Variants in FAM184B observed in about 807,000 individuals in gnomAD.
The protein encoded by FAM184B is protein FAM184B.
Under a neutral mutation model 135.9 loss-of-function variants are expected in FAM184B, and 111 were observed. The observed-to-expected ratio is 0.82, with a 90% CI of 0.70 to 0.96. The LOEUF (loss-of-function observed/expected upper bound fraction) is 0.96. Ranked by LOEUF, FAM184B falls within the 40% of genes least tolerant of loss-of-function variation. FAM184B has a pLI of 0.00. For synonymous variants in FAM184B, 552 were observed against 524.8 expected (o/e 1.05, Z -0.71); for missense variants, 1,375 against 1,323.9 (o/e 1.04, Z -0.60).
Position 17,781,326 on chromosome 4 carries a change from T to G in FAM184B, c.-27A>C, listed in dbSNP as rs1233235265. 2 of 1,496,972 alleles carry G rather than the reference T, an allele frequency of 1.3e-6. No homozygotes were observed. Among genetic ancestry groups the G allele is most frequent in the Admixed American group, 2.2e-5 (1 of 45,030 alleles). The allele number at this position is 1,496,972 out of a possible 1,614,324, so 92.7% of individuals were successfully genotyped here. ...GCTAAAACGCGCCCAGCACTCAGAC[T>G]CTCTCGTTTTCTCCCTGCCCACCGT... On this transcript the variant is annotated 5_prime_UTR_variant, in exon 1 of 18. Coordinates refer to ENST00000265018, the MANE Select transcript of FAM184B (RefSeq NM_015688.2). The surrounding 1 kb of genome is among the most constrained non-coding windows in gnomAD (Gnocchi z 6.5).
At chr4:17,717,907 T>C (rs1717431352) in intron 1 of FAM184B, among the ~76,000 whole-genome samples, 1 of 152,190 alleles carries the variant, frequency 6.6e-6, no homozygotes, top group African/African-American at 2.4e-5. Flanking sequence ...AATGTAATCG[T>C]GGTAATCGCA....
chr4:17,676,541 A>T (rs1441790860), intron 7 of FAM184B, among the ~76,000 whole-genome samples: 1 of 152,230 alleles, frequency 6.6e-6, no homozygotes, highest in African/African-American at 2.4e-5. Context: ...AATAGACTGT[A>T]GTATAGTGTA....
intron 5 of FAM184B, among the ~76,000 whole-genome samples, chr4:17,703,929 C>CAAAA (rs11430688): frequency 4.3e-5 from 6 of 140,002 alleles, no homozygotes; most frequent in African/African-American, 1.6e-4. Context: ...GACTCCGTTT[C>CAAAA]AAAAAAAAAA....
chr4:17,763,617 T>C (rs930377802), intron 1 of FAM184B, among the ~76,000 whole-genome samples: 2 of 152,152 alleles, frequency 1.3e-5, no homozygotes, highest in Non-Finnish European at 2.9e-5. Flanking sequence ...TGCTGGCTCT[T>C]GTCTGCTGTA....
intron 1 of FAM184B, among the ~76,000 whole-genome samples, chr4:17,775,242 G>C (rs544601135): frequency 6.6e-5 from 10 of 152,102 alleles, no homozygotes; most frequent in African/African-American, 2.4e-4. Context: ...CTGGAGTGTA[G>C]TGGTGCTGTC....
chr4:17,728,951 T>C (rs1298369389), intron 1 of FAM184B, among the ~76,000 whole-genome samples: 1 of 152,144 alleles, frequency 6.6e-6, no homozygotes, highest in Non-Finnish European at 1.5e-5. Context: ...GGGCGAGGCA[T>C]TGCCTCACTC....
chr4:17,716,915 C>A (rs888577579), intron 1 of FAM184B, among the ~76,000 whole-genome samples: 1 of 152,198 alleles, frequency 6.6e-6, no homozygotes, highest in East Asian at 1.9e-4. Context: ...TGAGTCCAAG[C>A]GAGTCTCCTG....
In FAM184B at chr4:17,642,198, G is replaced by T. The variant is rs1257055449; in HGVS notation, c.2377C>A (p.Pro793Thr). 2 of 1,523,408 alleles carry T rather than the reference G, an allele frequency of 1.3e-6. No individual in the cohort carries two copies. The highest frequency in any genetic ancestry group is 2.0e-5 in the Admixed American group (1 of 49,664). The allele number at this position is 1,523,408 out of a possible 1,614,324, so 94.4% of individuals were successfully genotyped here. ...ERGGPGQAGS[P>T]PGAAGQGSGE... ...GAACCCTGCCCAGCAGCGCCCGGTGGGGAGCCGGCCTGGCCCGGGCCGCCC... is the reference window on the plus strand; with the variant it reads ...GAACCCTGCCCAGCAGCGCCCGGTGTGGAGCCGGCCTGGCCCGGGCCGCCC... Residue 793 changes from proline (P) to threonine (T), a missense_variant, in exon 13 of 18, where the codon CCA becomes ACA. By Grantham distance (38) the Pro-to-Thr change is conservative. Coordinates refer to ENST00000265018, the MANE Select transcript of FAM184B (RefSeq NM_015688.2).
chr4:17,715,494 C>A (rs939869923), intron 1 of FAM184B, among the ~76,000 whole-genome samples: 4 of 151,374 alleles, frequency 2.6e-5, no homozygotes, highest in Admixed American at 1.3e-4. Context: ...AAAACAAAAA[C>A]AAACAAAAAA....
At chr4:17,721,482 AC>A (rs1717529146) in intron 1 of FAM184B, among the ~76,000 whole-genome samples, 1 of 150,562 alleles carries the variant, frequency 6.6e-6, no homozygotes, top group South Asian at 2.1e-4. Context: ...AGCAAATGTC[AC>A]CCAGGTGGAC....
At chr4:17,636,688 T>G in intron 14 of FAM184B, 43 bp from the exon 15 acceptor site, 1 of 1,437,350 alleles carries the variant, frequency 7.0e-7, no homozygotes, top group Non-Finnish European at 9.4e-7. Context: ...TTACAGCAAT[T>G]ACTCAACAAA....
Position 17,632,598 on chromosome 4 carries a change from G to A in FAM184B, c.3117C>T (p.Ala1039=). The A allele has an allele frequency of 6.4e-7, 1 of 1,551,102 alleles. No individual in the cohort carries two copies. The highest frequency in any genetic ancestry group is 8.7e-7 in the Non-Finnish European group (1 of 1,146,686). The change falls in exon 18 of 18, where the codon GCC becomes GCT. Residue 1039 remains alanine (A), a synonymous_variant. Transcript: ENST00000265018. ...TRTPDGETAQ[A]KEVQQKQGSP... ...AGCCCTGTTTCTGCTGGACTTCTTT[G>A]GCTTGGGCCGTTTCACCATCTGGGG...
In FAM184B at chr4:17,664,679, A is replaced by AC; in HGVS notation, c.1597-21_1597-20insG. ...TGGATCCTAAGGCCAAAAAAGAAAA[A>AC]GAAAAAAAAAAAAAAGGCAAGATGA... On this transcript the variant is annotated intron_variant, in intron 7 of 17. Coordinates refer to ENST00000265018, the MANE Select transcript of FAM184B (RefSeq NM_015688.2). 44 of 1,476,856 alleles carry AC rather than the reference A, an allele frequency of 3.0e-5. No individual in the cohort carries two copies. Among genetic ancestry groups the AC allele is most frequent in the Non-Finnish European group, 3.3e-5 (36 of 1,101,898 alleles). 91.5% of individuals were successfully genotyped at this position (1,476,856 alleles called of 1,614,324 possible).
chr4:17,644,519 T>A (rs1715410981), intron 12 of FAM184B, among the ~76,000 whole-genome samples: 1 of 152,178 alleles, frequency 6.6e-6, no homozygotes, highest in African/African-American at 2.4e-5. Flanking sequence ...GAAAAGGCCT[T>A]TGACAAAATT....
At chr4:17,772,058 C>T (rs1035582983) in intron 1 of FAM184B, among the ~76,000 whole-genome samples, 1 of 152,142 alleles carries the variant, frequency 6.6e-6, no homozygotes, top group Non-Finnish European at 1.5e-5. Context: ...GGATCCAGAG[C>T]AAGAACATTC....
At chr4:17,705,652 T>G in intron 4 of FAM184B, 100 bp downstream of exon 4, 15 of 1,378,344 alleles carry the variant, frequency 1.1e-5, no homozygotes, top group Non-Finnish European at 1.5e-5. Flanking sequence ...TGATTCCAAG[T>G]GGATCCACTA....
At chr4:17,762,852 C>T (rs1411721616) in intron 1 of FAM184B, among the ~76,000 whole-genome samples, 1 of 152,190 alleles carries the variant, frequency 6.6e-6, no homozygotes, top group Non-Finnish European at 1.5e-5. Flanking sequence ...GCTGGGTCTT[C>T]TCATCCATAT....
chr4:17,685,259 G>A (rs1385234497), intron 7 of FAM184B, among the ~76,000 whole-genome samples: 2 of 149,448 alleles, frequency 1.3e-5, no homozygotes, highest in Non-Finnish European at 3.0e-5. Context: ...AGATTAAGAA[G>A]GCTGAGGAGG....
At chr4:17,765,668 T>G (rs560280782) in intron 1 of FAM184B, among the ~76,000 whole-genome samples, 5 of 152,342 alleles carry the variant, frequency 3.3e-5, no homozygotes, top group Admixed American at 2.0e-4. Flanking sequence ...TTATTCTGGT[T>G]GTATTTGTTC....
Sources: gnomAD v4.1 joint callset for allele counts (sites outside exome capture counted in the v4.1 genomes callset) on GRCh38, gnomAD v4.1.1 for gene constraint, Gnocchi (gnomAD v3.1) non-coding constraint, MANE v1.5 for transcripts, NCBI Gene and HGNC (gene_info 2026-07-23, HGNC 2026-07-21) for gene names.